The following PCTP variants were observed in gnomAD, a reference collection of about 807,000 sequenced individuals.
PCTP encodes START domain-containing protein 2.
In PCTP, 27 loss-of-function variants were observed where a neutral mutation model predicts 31.0. That is an observed-to-expected ratio of 0.87 (90% confidence interval 0.64 to 1.20). The LOEUF is 1.20. PCTP is among the 50% of genes most tolerant of loss of function. The pLI, the probability that PCTP is intolerant of heterozygous loss-of-function variation, is 0.00. For missense variants in PCTP, 287 were observed against 268.2 expected, an observed-to-expected ratio of 1.07 and a Z score of -0.49; for synonymous variants, 108 against 101.2, an observed-to-expected ratio of 1.07 and a Z score of -0.40.
chr17:55,823,471 C>A (rs1267221193), downstream of PCTP, among the ~76,000 whole-genome samples: 1 of 152,206 alleles, frequency 6.6e-6, no homozygotes, highest in East Asian at 1.9e-4. Flanking sequence ...AGCAAAGCTT[C>A]CGCCTCAGAG....
chr17:55,818,242 A>G (rs1912993913), intron 3 of PCTP, among the ~76,000 whole-genome samples: 1 of 151,834 alleles, frequency 6.6e-6, no homozygotes, highest in African/African-American at 2.4e-5. Context: ...TTGGGTGGGT[A>G]GGCATGTATT....
intron 3 of PCTP, among the ~76,000 whole-genome samples, chr17:55,796,513 G>T (rs1029363719): frequency 1.3e-5 from 2 of 152,020 alleles, no homozygotes; most frequent in Non-Finnish European, 2.9e-5. Flanking sequence ...TGCCTACCAT[G>T]AGTGTAAGAA....
At chr17:55,751,575 T>G in intron 1 of PCTP, 1 of 1,142,142 alleles carries the variant, frequency 8.8e-7, no homozygotes, top group Non-Finnish European at 1.2e-6. Context: ...GGGACGTTGA[T>G]CCTCACTCTC....
At chr17:55,820,679 T>C (rs1455747440) in intron 3 of PCTP, among the ~76,000 whole-genome samples, 1 of 152,098 alleles carries the variant, frequency 6.6e-6, no homozygotes. Context: ...AAAGAAATGA[T>C]ACAACAAGAG....
intron 3 of PCTP, among the ~76,000 whole-genome samples, chr17:55,787,895 T>G: frequency 6.6e-6 from 1 of 152,136 alleles, no homozygotes; most frequent in East Asian, 1.9e-4. Context: ...TCTCTATTCT[T>G]CTCGGCACAT....
downstream of PCTP, among the ~76,000 whole-genome samples, chr17:55,781,252 T>G (rs1479219011): frequency 1.3e-5 from 2 of 152,250 alleles, no homozygotes; most frequent in African/African-American, 4.8e-5. Context: ...TGTACATCTC[T>G]ATCTGCCTCC....
chr17:55,797,854 G>A (rs1256807447), intron 3 of PCTP, among the ~76,000 whole-genome samples: 1 of 151,936 alleles, frequency 6.6e-6, no homozygotes, highest in Non-Finnish European at 1.5e-5. Context: ...TACCAGGCAT[G>A]CAAGGATATG....
At chr17:55,761,014 A>C (rs532819228) in intron 1 of PCTP, among the ~76,000 whole-genome samples, 1 of 152,340 alleles carries the variant, frequency 6.6e-6, no homozygotes, top group South Asian at 2.1e-4. Context: ...TGGGAATGAC[A>C]TGCAGAGAAA....
chr17:55,836,193 A>G (rs1461684483), intron 5 of PCTP, among the ~76,000 whole-genome samples: 1 of 152,256 alleles, frequency 6.6e-6, no homozygotes, highest in African/African-American at 2.4e-5. Flanking sequence ...ATGTTTACTC[A>G]TAAAAATTCA....
chr17:55,841,899 G>C (rs1905994387), intron 5 of PCTP, among the ~76,000 whole-genome samples: 1 of 152,032 alleles, frequency 6.6e-6, no homozygotes, highest in African/African-American at 2.4e-5. Flanking sequence ...AACCATCTCT[G>C]TCTACCTACC....
At chr17:55,844,109 A>C (rs889779331), downstream of PCTP, among the ~76,000 whole-genome samples, 2 of 152,116 alleles carry the variant, frequency 1.3e-5, no homozygotes, top group Non-Finnish European at 2.9e-5. Context: ...CTACATCCCC[A>C]CTGTCTTCAT....
At chr17:55,801,884 T>A (rs1022932726) in intron 3 of PCTP, among the ~76,000 whole-genome samples, 1 of 151,808 alleles carries the variant, frequency 6.6e-6, no homozygotes, top group African/African-American at 2.4e-5. Flanking sequence ...CTGAGGGAGA[T>A]AGAGACATGA....
intron 3 of PCTP, among the ~76,000 whole-genome samples, chr17:55,802,398 G>A (rs1000109238): frequency 6.6e-5 from 10 of 152,086 alleles, no homozygotes; most frequent in Admixed American, 3.9e-4. Flanking sequence ...CCAAAACCTC[G>A]CAGAGACAGA....
downstream of PCTP, among the ~76,000 whole-genome samples, chr17:55,780,063 A>G (rs1253315945): frequency 6.6e-6 from 1 of 151,392 alleles, no homozygotes; most frequent in Non-Finnish European, 1.5e-5. Flanking sequence ...CCTTTTTTTT[A>G]TATTCATCCT....
At chr17:55,810,344 G>C (rs371322447) in intron 3 of PCTP, among the ~76,000 whole-genome samples, 1 of 152,162 alleles carries the variant, frequency 6.6e-6, no homozygotes, top group African/African-American at 2.4e-5. Context: ...TTAAGTACTG[G>C]GAAGGCCGAG....
At chr17:55,805,962 A>G (rs1474148420) in intron 3 of PCTP, among the ~76,000 whole-genome samples, 3 of 151,260 alleles carry the variant, frequency 2.0e-5, no homozygotes, top group African/African-American at 4.9e-5. Flanking sequence ...GGTGAGAGTG[A>G]TACATCCTAA....
intron 1 of PCTP, among the ~76,000 whole-genome samples, chr17:55,753,213 C>T (rs990525170): frequency 6.6e-6 from 1 of 152,188 alleles, no homozygotes; most frequent in Non-Finnish European, 1.5e-5. Flanking sequence ...ACTCAGCACC[C>T]CTCACTTAGA....
At chr17:55,799,812 T>C (rs1262206690) in intron 3 of PCTP, among the ~76,000 whole-genome samples, 2 of 152,202 alleles carry the variant, frequency 1.3e-5, no homozygotes, top group African/African-American at 2.4e-5. Context: ...TAAAGGATTT[T>C]ATTTCTCCTT....
exon 4 of PCTP, chr17:55,822,949 T>A: frequency 1.7e-6 from 1 of 575,120 alleles, no homozygotes; most frequent in Non-Finnish European, 2.6e-6. Context: ...TATCTCATTG[T>A]TTTTTCTCAT....
Sources: gnomAD v4.1 joint callset for allele counts (sites outside exome capture counted in the v4.1 genomes callset) on GRCh38, gnomAD v4.1.1 for gene constraint, MANE v1.5 for transcripts, NCBI Gene and HGNC (gene_info 2026-07-23, HGNC 2026-07-21) for gene names.